AKT3: variants seen among roughly 807,000 people sequenced by gnomAD.
The protein encoded by AKT3 is RAC-gamma serine/threonine-protein kinase.
In AKT3, 15 loss-of-function variants were observed where a neutral mutation model predicts 65.3. The ratio of observed to expected loss-of-function variants is 0.23; its 90% CI spans 0.15 to 0.35. The LOEUF is 0.35. AKT3 is among the 10% of genes least tolerant of loss of function. The pLI is 1.00. For missense variants in AKT3, 243 were observed against 576.5 expected (o/e 0.42, Z 5.92); for synonymous variants, 206 against 183.8 (o/e 1.12, Z -0.98).
chr1:243,600,922 G>C lies in AKT3; in HGVS notation c.696+12749C>G, dbSNP rs186256386. Among the ~76,000 whole-genome samples the C allele has an allele frequency of 3.9e-3, 601 of 152,222 alleles. 12 individuals are homozygous for C. In the South Asian group the frequency reaches 0.049, roughly 12 times the overall value. On this transcript the variant is annotated intron_variant, in intron 8 of 13. Transcript: ENST00000673466. ...TTGGAAAGCCTATCAGTGGTTTTCA[G>C]GGTGAGAGTGAGGGGAGAGAATTGA...
rs146538386 is a variant in AKT3, at chr1:243,668,454, A to T, written c.173-3571T>A. On this transcript the variant is annotated intron_variant, in intron 3 of 13. Transcript: ENST00000673466. ...TCACTGCTTCTGTTTTTTTCAGTGA[A>T]TTAGGATATAAAGTCATCGGGAATA... is the stretch of plus-strand genomic sequence containing the variant. Among the ~76,000 whole-genome samples, 341 of 152,316 alleles carry T rather than the reference A, an allele frequency of 2.2e-3. 1 individual carries two copies. The highest frequency in any genetic ancestry group is 8.0e-3 in the African/African-American group (332 of 41,562).
At chr1:243,697,433 T>C (rs1022864256) in intron 2 of AKT3, among the ~76,000 whole-genome samples, 24 of 152,018 alleles carry the variant, frequency 1.6e-4, no homozygotes, top group African/African-American at 5.8e-4. Context: ...GTTATGGATA[T>C]CATTCTTTGA....
At chr1:243,809,857 C>T (rs1319866981) in intron 2 of AKT3, among the ~76,000 whole-genome samples, 1 of 152,166 alleles carries the variant, frequency 6.6e-6, no homozygotes, top group Non-Finnish European at 1.5e-5. Flanking sequence ...TGCAACCAAA[C>T]TAGAACTCAG....
At position 243,503,061 on chromosome 1, in the gene AKT3, ACTT is replaced by A. The variant is rs2148340797; in HGVS notation, c.*2185_*2187del. On this transcript the variant is annotated 3_prime_UTR_variant, in exon 14 of 14. Transcript: ENST00000673466. ...ACTTAAAGAACATACCTTCTAGTCT[ACTT>A]TTTTGTCAAAATGAAACATTCAACA... 8.6e-6 allele frequency: 2 copies of A among 233,628 alleles called. No individual in the cohort carries two copies. The highest frequency in any genetic ancestry group is 1.7e-5 in the Non-Finnish European group (2 of 118,026). 14.5% of individuals were successfully genotyped at this position (233,628 alleles called of 1,614,324 possible).
chr1:243,583,195 T>TATATATATATATACACACACAC (rs759291565), intron 8 of AKT3, among the ~76,000 whole-genome samples: 1 of 88,326 alleles, frequency 1.1e-5, no homozygotes, highest in African/African-American at 5.1e-5. Context: ...TATATATATA[T>TATATATATATATACACACACAC]ACACACACAC....
intron 2 of AKT3, among the ~76,000 whole-genome samples, chr1:243,725,180 G>C (rs1558756165): frequency 1.3e-5 from 2 of 151,610 alleles, no homozygotes; most frequent in East Asian, 3.9e-4. Context: ...CTCAGAGACA[G>C]AGCGAGCCTT....
At chr1:243,788,760 C>G (rs1288341770) in intron 2 of AKT3, 1 of 152,518 alleles carries the variant, frequency 6.6e-6, no homozygotes, top group African/African-American at 2.4e-5. Flanking sequence ...GGTAGAAGGT[C>G]TTGCCTTGAT....
chr1:243,816,656 A>G (rs978926399), intron 2 of AKT3, among the ~76,000 whole-genome samples: 2 of 152,252 alleles, frequency 1.3e-5, no homozygotes, highest in Non-Finnish European at 2.9e-5. Flanking sequence ...AAGGCAGAAC[A>G]AAAATCCACC....
At chr1:243,839,803 A>G (rs1410739471) in intron 2 of AKT3, among the ~76,000 whole-genome samples, 1 of 151,894 alleles carries the variant, frequency 6.6e-6, no homozygotes, top group African/African-American at 2.4e-5. Context: ...TAACTATATT[A>G]TAACTTTATT....
intron 2 of AKT3, among the ~76,000 whole-genome samples, chr1:243,760,998 C>T (rs1419870393): frequency 6.6e-6 from 1 of 152,150 alleles, no homozygotes; most frequent in Non-Finnish European, 1.5e-5. Flanking sequence ...CAGAGACTTG[C>T]AAGAACCCAG....
At chr1:243,804,689 T>C (rs1227530265) in intron 2 of AKT3, among the ~76,000 whole-genome samples, 1 of 151,720 alleles carries the variant, frequency 6.6e-6, no homozygotes, top group Non-Finnish European at 1.5e-5. Flanking sequence ...TACTAAAAAA[T>C]ACAAAAAATT....
At position 243,843,215 on chromosome 1, in the gene AKT3, T is replaced by C; in HGVS notation, c.-45A>G. Reference sequence around the variant, plus strand: ...CCCAACTTGGAGAAATGGTACTTTGTGATATCAGCTTTAGGGTTTGGATTC... The same window carrying C: ...CCCAACTTGGAGAAATGGTACTTTGCGATATCAGCTTTAGGGTTTGGATTC... On this transcript the variant is annotated 5_prime_UTR_variant, in exon 2 of 14. Transcript: ENST00000673466. The C allele has an allele frequency of 6.2e-7, 1 of 1,606,066 alleles. No homozygotes were observed. The highest frequency in any genetic ancestry group is 8.5e-7 in the Non-Finnish European group (1 of 1,175,496).
At chr1:243,784,324 G>A (rs1227580100) in intron 2 of AKT3, among the ~76,000 whole-genome samples, 1 of 151,832 alleles carries the variant, frequency 6.6e-6, no homozygotes, top group African/African-American at 2.4e-5. Flanking sequence ...GGAATGAGGG[G>A]GTGAGTATGA....
At chr1:243,531,517 T>C (rs1195640432) in intron 12 of AKT3, among the ~76,000 whole-genome samples, 1 of 152,228 alleles carries the variant, frequency 6.6e-6, no homozygotes, top group Non-Finnish European at 1.5e-5. Flanking sequence ...ATAAATACAA[T>C]GCTTTTTATG....
intron 3 of AKT3, among the ~76,000 whole-genome samples, chr1:243,694,608 T>TTTAA (rs1409989115): frequency 1.3e-5 from 2 of 151,950 alleles, no homozygotes; most frequent in African/African-American, 4.8e-5. Context: ...TTTTATCTTT[T>TTTAA]TCTTAAAAAA....
chr1:243,662,149 C>A (rs993912275), intron 4 of AKT3, among the ~76,000 whole-genome samples: 2 of 151,914 alleles, frequency 1.3e-5, no homozygotes, highest in Non-Finnish European at 2.9e-5. Context: ...TCAGTGTGGC[C>A]ATTCCTCAGG....
At position 243,504,692 on chromosome 1, in the gene AKT3, TA is replaced by T. The variant is rs914530273; in HGVS notation, c.*556del. 1.4e-4 allele frequency: 25 copies of T among 179,558 alleles called. No homozygotes were observed. The highest frequency in any genetic ancestry group is 2.6e-4 in the Non-Finnish European group (22 of 83,908). The allele number at this position is 179,558 out of a possible 1,614,324, so 11.1% of individuals were successfully genotyped here. A position where few individuals can be genotyped will look rare whatever the true frequency, so the allele number is the denominator to read the frequency against. On this transcript the variant is annotated 3_prime_UTR_variant, in exon 14 of 14. Transcript: ENST00000673466. ...TTCAGTCCTTCTACCAAATGCTTCC[TA>T]ATCAATTCCAGCCACAGCTTAGTGA...
chr1:243,796,704 T>C (rs369960539), intron 2 of AKT3, among the ~76,000 whole-genome samples: 3 of 152,288 alleles, frequency 2.0e-5, no homozygotes, highest in African/African-American at 7.2e-5. Context: ...GTTCTTCTTC[T>C]AGTTCTTGCA....
intron 9 of AKT3, among the ~76,000 whole-genome samples, chr1:243,564,967 A>G (rs1233272962): frequency 1.3e-5 from 2 of 152,210 alleles, no homozygotes; most frequent in African/African-American, 4.8e-5. Flanking sequence ...CATATCAGTC[A>G]TATAAAATAT....
Sources: gnomAD v4.1 joint callset for allele counts (sites outside exome capture counted in the v4.1 genomes callset) on GRCh38, gnomAD v4.1.1 for gene constraint, MANE v1.5 for transcripts, NCBI Gene and HGNC (gene_info 2026-07-23, HGNC 2026-07-21) for gene names.